The following EPM2A variants were observed in gnomAD, a reference collection of about 807,000 sequenced individuals.
The protein encoded by EPM2A is EPM2A glucan phosphatase, laforin.
A neutral mutation model predicts 26.5 loss-of-function variants in EPM2A; 21 were observed. The ratio of observed to expected loss-of-function variants is 0.79; its 90% CI spans 0.56 to 1.14. The LOEUF is 1.14. EPM2A is among the 50% of genes most tolerant of loss of function. EPM2A has a pLI of 0.00. For missense variants in EPM2A, 458 were observed against 440.8 expected, an observed-to-expected ratio of 1.04 and a Z score of -0.35; for synonymous variants, 217 against 177.6, an observed-to-expected ratio of 1.22 and a Z score of -1.76.
At chr6:145,680,654 T>G (rs1245904308) in intron 2 of EPM2A, among the ~76,000 whole-genome samples, 1 of 151,978 alleles carries the variant, frequency 6.6e-6, no homozygotes, top group East Asian at 1.9e-4. Flanking sequence ...TGGTTTTTTG[T>G]CCTTGTGATA....
At chr6:145,436,940 T>A (rs1370451598) in intron 4 of EPM2A, among the ~76,000 whole-genome samples, 1 of 152,202 alleles carries the variant, frequency 6.6e-6, no homozygotes, top group East Asian at 1.9e-4. Context: ...CTTTAATTCT[T>A]TAGGATTACT....
In EPM2A at chr6:145,672,625, C is replaced by T. The variant is rs115651804; in HGVS notation, c.476+13497G>A. Among the ~76,000 whole-genome samples, 423 of 152,368 alleles carry T rather than the reference C, an allele frequency of 2.8e-3. 5 individuals are homozygous for T. Among genetic ancestry groups the T allele is most frequent in the African/African-American group, 9.7e-3 (403 of 41,596 alleles). ...CCTCAGCTGGGAAACTTTCCCTCCC[C>T]AGTCCTAGCAAAAGACGAGGTTTAT... On this transcript the variant is annotated intron_variant, in intron 2 of 3. Coordinates refer to ENST00000367519, the MANE Select transcript of EPM2A (RefSeq NM_005670.4).
At chr6:145,624,962 T>A (rs1159931209), downstream of EPM2A, among the ~76,000 whole-genome samples, 1 of 152,244 alleles carries the variant, frequency 6.6e-6, no homozygotes, top group Non-Finnish European at 1.5e-5. Flanking sequence ...TCATTCAGAC[T>A]TTCCTTCACC....
intron 2 of EPM2A, among the ~76,000 whole-genome samples, chr6:145,522,525 T>G (rs1308643557): frequency 2.0e-5 from 3 of 152,104 alleles, no homozygotes; most frequent in African/African-American, 7.2e-5. Context: ...CTCCATTGAT[T>G]TAATCTCTTA....
chr6:145,707,128 T>C (rs1782266030), intron 1 of EPM2A, among the ~76,000 whole-genome samples: 1 of 152,222 alleles, frequency 6.6e-6, no homozygotes, highest in Admixed American at 6.5e-5. Flanking sequence ...ATTTCTTTTG[T>C]TTATAAATTA....
At chr6:145,602,349 AG>A (rs1229287380) in intron 2 of EPM2A, among the ~76,000 whole-genome samples, 1 of 152,236 alleles carries the variant, frequency 6.6e-6, no homozygotes, top group Non-Finnish European at 1.5e-5. Context: ...ATATCTAATA[AG>A]AGAAAACTTT....
Position 145,735,454 on chromosome 6 carries a change from G to A in EPM2A, c.45C>T (p.Gly15=). 2.4e-6 allele frequency: 3 copies of A among 1,234,710 alleles called. No individual in the cohort carries two copies. The highest frequency in any genetic ancestry group is 3.6e-5 in the Admixed American group (1 of 27,704). 76.5% of individuals were successfully genotyped at this position (1,234,710 alleles called of 1,614,324 possible). ...FGVVVPPAVA[G]ARPELLVVGS... ...CCACCACCAGCAGCTCCGGCCGGGC[G>A]CCGGCCACGGCGGGTGGCACCACCA... Residue 15 remains glycine (G), a synonymous_variant, in exon 1 of 4, where the codon GGC becomes GGT. Coordinates refer to ENST00000367519, the MANE Select transcript of EPM2A (RefSeq NM_005670.4).
intron 4 of EPM2A, among the ~76,000 whole-genome samples, chr6:145,470,184 T>C (rs1244604954): frequency 1.3e-5 from 2 of 152,162 alleles, no homozygotes; most frequent in Admixed American, 6.6e-5. Flanking sequence ...TTGGAATGTT[T>C]GTAACATCAT....
chr6:145,584,634 G>A (rs1201052099), intron 2 of EPM2A, among the ~76,000 whole-genome samples: 1 of 152,122 alleles, frequency 6.6e-6, no homozygotes, highest in East Asian at 1.9e-4. Flanking sequence ...GGGTTCTCCT[G>A]CAGCTAGGAT....
chr6:145,472,435 G>C (rs144504172), intron 4 of EPM2A, among the ~76,000 whole-genome samples: 2 of 149,136 alleles, frequency 1.3e-5, no homozygotes, highest in Non-Finnish European at 1.5e-5. Flanking sequence ...TCATAGCCAC[G>C]GGGGGTAGAG....
intron 4 of EPM2A, among the ~76,000 whole-genome samples, chr6:145,433,570 A>T (rs981742663): frequency 6.6e-6 from 1 of 152,142 alleles, no homozygotes; most frequent in East Asian, 1.9e-4. Flanking sequence ...AGCTATATTT[A>T]AATGGACCTT....
intron 1 of EPM2A, among the ~76,000 whole-genome samples, chr6:145,699,133 T>C (rs1305813148): frequency 1.3e-5 from 2 of 152,222 alleles, no homozygotes; most frequent in African/African-American, 4.8e-5. Flanking sequence ...GAGCTTGTTA[T>C]GTATCCAGTC....
At chr6:145,461,175 C>A (rs1049955460) in intron 4 of EPM2A, among the ~76,000 whole-genome samples, 2 of 152,138 alleles carry the variant, frequency 1.3e-5, no homozygotes, top group African/African-American at 4.8e-5. Flanking sequence ...ATATTTCTAG[C>A]CCAAAGCAAT....
intron 4 of EPM2A, among the ~76,000 whole-genome samples, chr6:145,456,914 C>A (rs1267871969): frequency 6.6e-6 from 1 of 152,026 alleles, no homozygotes; most frequent in Non-Finnish European, 1.5e-5. Context: ...CTTGAGCCAC[C>A]TTACAGATGT....
chr6:145,571,482 G>A (rs1435859919), intron 2 of EPM2A, among the ~76,000 whole-genome samples: 4 of 152,186 alleles, frequency 2.6e-5, no homozygotes, highest in Non-Finnish European at 5.9e-5. Context: ...TCCATGGATG[G>A]TAGTCTTGGC....
rs544578536 is a variant in EPM2A at position 145,476,234 on chromosome 6, A to C, written c.555+26288T>G. Among the ~76,000 whole-genome samples the C allele has an allele frequency of 1.7e-4, 26 of 152,228 alleles. No individual in the cohort carries two copies. The East Asian group carries it at 3.7e-3, about 21-fold the overall frequency. On this transcript the variant is annotated intron_variant, in intron 4 of 4. Transcript: ENST00000638717. ...GGTCGAGTCAGCAAGAAGATAAAAC[A>C]ATTTTAAATATATATGCACCCAACA...
intron 2 of EPM2A, among the ~76,000 whole-genome samples, chr6:145,508,559 G>GA (rs1366281195): frequency 2.3e-5 from 3 of 128,556 alleles, no homozygotes; most frequent in East Asian, 2.2e-4. Context: ...ACCCTCAAGG[G>GA]AAAAAAATAA....
At chr6:145,442,089 T>A (rs1336138340) in intron 4 of EPM2A, among the ~76,000 whole-genome samples, 1 of 152,120 alleles carries the variant, frequency 6.6e-6, no homozygotes, top group Non-Finnish European at 1.5e-5. Flanking sequence ...AAGTTCCTCA[T>A]CTCCATCTGA....
chr6:145,385,849 T>C (rs1778253367), intron 4 of EPM2A, among the ~76,000 whole-genome samples: 1 of 152,088 alleles, frequency 6.6e-6, no homozygotes, highest in Admixed American at 6.6e-5. Context: ...TCATGCAATG[T>C]TTGTTATCTA....
Sources: gnomAD v4.1 joint callset for allele counts (sites outside exome capture counted in the v4.1 genomes callset) on GRCh38, gnomAD v4.1.1 for gene constraint, MANE v1.5 for transcripts, NCBI Gene and HGNC (gene_info 2026-07-23, HGNC 2026-07-21) for gene names.